The following RASSF3 variants were observed in gnomAD, a reference collection of about 807,000 sequenced individuals.
RASSF3 encodes ras association domain-containing protein 3.
A neutral mutation model predicts 19.9 loss-of-function variants in RASSF3; 19 were observed. The ratio of observed to expected loss-of-function variants is 0.96; its 90% CI spans 0.67 to 1.40. The LOEUF (loss-of-function observed/expected upper bound fraction) is 1.40, where lower values mean the gene tolerates loss of function less well. Ranked by LOEUF, RASSF3 falls within the 40% of genes most tolerant of loss-of-function variation. RASSF3 has a pLI of 0.00. For missense variants in RASSF3, 306 were observed against 289.8 expected (o/e 1.06, Z -0.41); for synonymous variants, 110 against 104.2 (o/e 1.06, Z -0.34).
At chr12:64,645,289 C>T (rs1243526176) in intron 1 of RASSF3, among the ~76,000 whole-genome samples, 2 of 152,128 alleles carry the variant, frequency 1.3e-5, no homozygotes, top group Non-Finnish European at 2.9e-5. Flanking sequence ...TGTATCATCA[C>T]AGTAACTCTA....
chr12:64,649,965 T>G lies in RASSF3; in HGVS notation c.112-34822T>G, dbSNP rs1871881178. 2.0e-5 allele frequency among the ~76,000 whole-genome samples: 3 copies of G among 152,334 alleles called. No individual in the cohort carries two copies. In the South Asian group the frequency reaches 6.2e-4, roughly 32 times the overall value. ...ACATCCCCAGTATGCTCTTGTGTAGTTTTCAGAGCCTTTGTTATGATTCCC... is the reference window on the plus strand; with the variant it reads ...ACATCCCCAGTATGCTCTTGTGTAGGTTTCAGAGCCTTTGTTATGATTCCC... On this transcript the variant is annotated intron_variant, in intron 1 of 4. Coordinates refer to ENST00000542104, the MANE Select transcript of RASSF3 (RefSeq NM_178169.4).
intron 1 of RASSF3, among the ~76,000 whole-genome samples, chr12:64,514,225 G>A (rs372944675): frequency 1.7e-5 from 2 of 119,198 alleles, no homozygotes; most frequent in South Asian, 5.3e-4. Context: ...ATGGAGTCTC[G>A]CTCTGTAGCC....
At chr12:64,654,657 TGGGGG>T (rs199913401) in intron 1 of RASSF3, 2 of 18,004 alleles carry the variant, frequency 1.1e-4, no homozygotes, top group African/African-American at 2.8e-4. Context: ...GGGGGGGGGG[TGGGGG>T]GAAGCCAGCC....
chr12:64,578,647 G>C (rs1259772410), intron 2 of RASSF3, among the ~76,000 whole-genome samples: 1 of 151,010 alleles, frequency 6.6e-6, no homozygotes, highest in Non-Finnish European at 1.5e-5. Context: ...AAGAAAAAAA[G>C]AGAGCAATAG....
upstream of RASSF3, among the ~76,000 whole-genome samples, chr12:64,610,207 G>A (rs1870286186): frequency 6.6e-6 from 1 of 152,278 alleles, no homozygotes; most frequent in African/African-American, 2.4e-5. Flanking sequence ...GGAATTTGCA[G>A]TTTCCGGGAG....
At chr12:64,663,340 A>G (rs1332624506) in intron 1 of RASSF3, among the ~76,000 whole-genome samples, 1 of 152,106 alleles carries the variant, frequency 6.6e-6, no homozygotes, top group African/African-American at 2.4e-5. Context: ...GATAAGGGGG[A>G]AAAGGGTAAG....
intron 2 of RASSF3, among the ~76,000 whole-genome samples, chr12:64,578,798 C>T (rs1339946178): frequency 6.6e-6 from 1 of 152,200 alleles, no homozygotes; most frequent in Non-Finnish European, 1.5e-5. Context: ...ATCAGCCACA[C>T]TGGGAAGCAA....
intron 2 of RASSF3, among the ~76,000 whole-genome samples, chr12:64,603,853 TC>T (rs1452944172): frequency 1.3e-5 from 2 of 152,188 alleles, no homozygotes; most frequent in Non-Finnish European, 2.9e-5. Flanking sequence ...CTTTTTTTTT[TC>T]TTTTTCTTTT....
chr12:64,589,891 A>G (rs1215984048), intron 2 of RASSF3, among the ~76,000 whole-genome samples: 2 of 151,838 alleles, frequency 1.3e-5, no homozygotes, highest in South Asian at 2.1e-4. Context: ...AACCCCAGCT[A>G]CTGGGGATGC....
rs748219327 is a variant in RASSF3, at chr12:64,688,360, G to A, written c.364G>A (p.Gly122Arg). Residue 122 changes from glycine to arginine, a missense_variant, in exon 3 of 5, where the codon GGG (glycine) becomes AGG (arginine). Coordinates refer to ENST00000542104, the MANE Select transcript of RASSF3 (RefSeq NM_178169.4). ...TCATATCAGCAGCACAAACACTGTCGGGGAAGTGATCGAGGCCCTGCTCAA... is the reference window on the plus strand; with the variant it reads ...TCATATCAGCAGCACAAACACTGTCAGGGAAGTGATCGAGGCCCTGCTCAA... ...TLHISSTNTV[G>R]EVIEALLKKF... 3.1e-5 allele frequency: 50 copies of A among 1,614,032 alleles called. No individual in the cohort carries two copies. The highest frequency in any genetic ancestry group is 4.4e-5 in the South Asian group (4 of 91,082).
At chr12:64,515,879 A>C (rs971709526) in intron 1 of RASSF3, among the ~76,000 whole-genome samples, 2 of 152,112 alleles carry the variant, frequency 1.3e-5, no homozygotes, top group Non-Finnish European at 2.9e-5. Flanking sequence ...CTAGAAACAC[A>C]TGTCTTTCAG....
chr12:64,610,531 G>A lies in RASSF3; in HGVS notation c.-102G>A, dbSNP rs1325196819. 3 of 430,490 alleles carry A rather than the reference G, an allele frequency of 7.0e-6. No homozygotes were observed. The highest frequency in any genetic ancestry group is 1.1e-5 in the Non-Finnish European group (3 of 269,202). The allele number at this position is 430,490 out of a possible 1,614,324, so 26.7% of individuals were successfully genotyped here. ...GGCCGCAGCTGCATAAGGACTGCCC[G>A]GGGCTGCGCGCCGGGAACCTCGCGG... On this transcript the variant is annotated 5_prime_UTR_variant, in exon 1 of 5. Coordinates refer to ENST00000542104, the MANE Select transcript of RASSF3 (RefSeq NM_178169.4).
At chr12:64,651,612 G>A (rs1056779656) in intron 1 of RASSF3, among the ~76,000 whole-genome samples, 4 of 151,936 alleles carry the variant, frequency 2.6e-5, no homozygotes, top group Non-Finnish European at 4.4e-5. Context: ...CACCCTCCTC[G>A]GCCTCCCAGA....
downstream of RASSF3, among the ~76,000 whole-genome samples, chr12:64,542,214 GCC>G (rs1868945493): frequency 6.6e-6 from 1 of 152,134 alleles, no homozygotes; most frequent in African/African-American, 2.4e-5. Context: ...TACTCACCCA[GCC>G]ACTCAAGAGG....
intron 2 of RASSF3, among the ~76,000 whole-genome samples, chr12:64,686,975 A>G (rs1873381037): frequency 1.3e-5 from 2 of 152,306 alleles, no homozygotes; most frequent in African/African-American, 4.8e-5. Flanking sequence ...AGTACAATAA[A>G]TCTTTTCTAA....
intron 2 of RASSF3, among the ~76,000 whole-genome samples, chr12:64,564,780 GTTTTTT>G (rs1565840147): frequency 1.5e-4 from 22 of 147,654 alleles, no homozygotes; most frequent in Non-Finnish European, 9.0e-5. Context: ...GGTGTTTTTT[GTTTTTT>G]GTTTTTTTTT....
At chr12:64,628,857 A>G (rs1325089684) in intron 1 of RASSF3, among the ~76,000 whole-genome samples, 1 of 152,150 alleles carries the variant, frequency 6.6e-6, no homozygotes, top group Non-Finnish European at 1.5e-5. Context: ...CATAGAGGTA[A>G]ATATTCCTAG....
At chr12:64,590,697 G>T (rs1869906390) in intron 2 of RASSF3, among the ~76,000 whole-genome samples, 1 of 152,078 alleles carries the variant, frequency 6.6e-6, no homozygotes, top group Non-Finnish European at 1.5e-5. Flanking sequence ...ATGATAGTTG[G>T]TAGCTGACTA....
At chr12:64,523,680 G>C (rs1868524835) in intron 1 of RASSF3, among the ~76,000 whole-genome samples, 2 of 152,206 alleles carry the variant, frequency 1.3e-5, no homozygotes, top group Middle Eastern at 3.4e-3. Flanking sequence ...AAATGCAAGA[G>C]GAACAAATGT....
Sources: gnomAD v4.1 joint callset for allele counts (sites outside exome capture counted in the v4.1 genomes callset) on GRCh38, gnomAD v4.1.1 for gene constraint, MANE v1.5 for transcripts, NCBI Gene and HGNC (gene_info 2026-07-23, HGNC 2026-07-21) for gene names.